SIAH1: variants seen among roughly 807,000 people sequenced by gnomAD.
SIAH1 encodes E3 ubiquitin-protein ligase SIAH1.
Under a neutral mutation model 20.0 loss-of-function variants are expected in SIAH1, and 2 were observed. That is an observed-to-expected ratio of 0.10 (90% CI 0.04 to 0.31). The LOEUF is 0.31. Ranked by LOEUF, SIAH1 falls within the 10% of genes least tolerant of loss-of-function variation. The pLI, the probability that SIAH1 is intolerant of heterozygous loss-of-function variation, is 1.00. For missense variants in SIAH1, 119 were observed against 355.3 expected (o/e 0.33, Z 5.35); for synonymous variants, 118 against 125.3 (o/e 0.94, Z 0.39).
At chr16:48,368,131 G>A (rs547388412) in intron 1 of SIAH1, among the ~76,000 whole-genome samples, 3 of 152,272 alleles carry the variant, frequency 2.0e-5, no homozygotes, top group South Asian at 2.1e-4. Context: ...ATGGAGAAAT[G>A]TAGTCAGATA....
At chr16:48,381,126 C>T (rs1961278987) in intron 1 of SIAH1, among the ~76,000 whole-genome samples, 1 of 151,906 alleles carries the variant, frequency 6.6e-6, no homozygotes. Context: ...AGGCAGATCA[C>T]CTGAGGTCAG....
rs1204076982 is a variant in SIAH1, at chr16:48,361,702, T to C, written c.727A>G (p.Ile243Val). ...ATGGCTGTTGCAATTCCTTCATGAA[T>C]AGATCGAGGAGTCGCTTCCCAAGTC... ...RLTWEATPRS[I>V]HEGIATAIMN... Residue 243 changes from isoleucine to valine, a missense_variant, in exon 2 of 2, where the codon ATT (isoleucine) becomes GTT (valine). Physicochemically the swap from Ile to Val is conservative, Grantham distance 29. Coordinates refer to ENST00000394725, the MANE Select transcript of SIAH1 (RefSeq NM_003031.4). 6.2e-7 allele frequency: 1 copy of C among 1,614,188 alleles called. No homozygotes were observed. The highest frequency in any genetic ancestry group is 1.7e-5 in the Admixed American group (1 of 60,028).
At chr16:48,363,723 T>A (rs1960707634) in intron 1 of SIAH1, 1 of 167,092 alleles carries the variant, frequency 6.0e-6, no homozygotes, top group African/African-American at 2.4e-5. Flanking sequence ...AAAACATTCA[T>A]CAGCAGAGTA....
intron 1 of SIAH1, among the ~76,000 whole-genome samples, chr16:48,370,205 C>T (rs968174894): frequency 2.6e-5 from 4 of 152,200 alleles, no homozygotes; most frequent in African/African-American, 7.2e-5. Flanking sequence ...AGAATGGCCA[C>T]TCCCTTCCCT....
chr16:48,361,391 CT>C lies in SIAH1; in HGVS notation c.*188del, dbSNP rs2151043393. The C allele has an allele frequency of 3.5e-6, 2 of 567,880 alleles. No individual in the cohort carries two copies. Among genetic ancestry groups the C allele is most frequent in the Non-Finnish European group, 3.1e-6 (1 of 322,878 alleles). 35.2% of individuals were successfully genotyped at this position (567,880 alleles called of 1,614,324 possible). On this transcript the variant is annotated 3_prime_UTR_variant, in exon 2 of 2. Coordinates refer to ENST00000394725, the MANE Select transcript of SIAH1 (RefSeq NM_003031.4). ...TATTTTTTCAGTGGTTTACTGTTGA[CT>C]TATTTTTAAATATATTAGTGTTACT...
At position 48,360,962 on chromosome 16, in the gene SIAH1, T is replaced by C. The variant is rs1296750995; in HGVS notation, c.*618A>G. ...CTGATTAATGGGGGAAAAGAAAATA[T>C]TGAACACGTTATAAATTTTTTACCA... On this transcript the variant is annotated 3_prime_UTR_variant, in exon 2 of 2. Coordinates refer to ENST00000394725, the MANE Select transcript of SIAH1 (RefSeq NM_003031.4). The C allele has an allele frequency of 6.6e-6, 1 of 152,168 alleles. No homozygotes were observed. The highest frequency in any genetic ancestry group is 2.4e-5 in the African/African-American group (1 of 41,442). The allele number at this position is 152,168 out of a possible 1,614,324, so 9.4% of individuals were successfully genotyped here.
At chr16:48,365,055 G>C (rs1261614561) in intron 1 of SIAH1, 1 of 234,980 alleles carries the variant, frequency 4.3e-6, no homozygotes, top group South Asian at 1.0e-4. Flanking sequence ...AATGTGAACG[G>C]TATTTCTTGG....
At position 48,360,970 on chromosome 16, in the gene SIAH1, G is replaced by A. The variant is rs138768421; in HGVS notation, c.*610C>T. ...TGGGGGAAAAGAAAATATTGAACACGTTATAAATTTTTTACCATAAACAAA... is the reference window on the plus strand; with the variant it reads ...TGGGGGAAAAGAAAATATTGAACACATTATAAATTTTTTACCATAAACAAA... On this transcript the variant is annotated 3_prime_UTR_variant, in exon 2 of 2. Coordinates refer to ENST00000394725, the MANE Select transcript of SIAH1 (RefSeq NM_003031.4). 36 of 151,926 alleles carry A rather than the reference G, an allele frequency of 2.4e-4. No individual in the cohort carries two copies. The highest frequency in any genetic ancestry group is 7.9e-4 in the Admixed American group (12 of 15,270). 9.4% of individuals were successfully genotyped at this position (151,926 alleles called of 1,614,324 possible).
chr16:48,372,292 A>C (rs756687904), intron 1 of SIAH1, among the ~76,000 whole-genome samples: 5 of 152,210 alleles, frequency 3.3e-5, no homozygotes, highest in African/African-American at 1.2e-4. Flanking sequence ...AATAGTTACA[A>C]TCTATGTTGA....
intron 1 of SIAH1, among the ~76,000 whole-genome samples, chr16:48,369,406 T>A (rs779133351): frequency 5.9e-5 from 9 of 152,220 alleles, no homozygotes; most frequent in Non-Finnish European, 1.2e-4. Context: ...ATACAACACT[T>A]GCTAAGTCAC....
intron 1 of SIAH1, among the ~76,000 whole-genome samples, chr16:48,368,144 G>GA (rs1183330664): frequency 3.9e-5 from 6 of 152,018 alleles, no homozygotes; most frequent in African/African-American, 7.2e-5. Flanking sequence ...GTCAGATATG[G>GA]AAAAAAATCA....
intron 1 of SIAH1, among the ~76,000 whole-genome samples, chr16:48,378,195 C>T (rs773818194): frequency 2.0e-5 from 3 of 151,896 alleles, no homozygotes; most frequent in African/African-American, 4.8e-5. Context: ...CTACTAAAAA[C>T]ACAAAAAATT....
At position 48,362,473 on chromosome 16, in the gene SIAH1, C is replaced by A. The variant is rs1355877763; in HGVS notation, c.-2-43G>T. On this transcript the variant is annotated intron_variant, in intron 1 of 1. Coordinates refer to ENST00000394725, the MANE Select transcript of SIAH1 (RefSeq NM_003031.4). This position sits in a 1 kb window ranked among gnomAD's most constrained non-coding sequence, Gnocchi z 4.2. The stretch of plus-strand genomic sequence containing the variant: ...GGAGGCAGGAGAAAAATAATTATAA[C>A]CATGACTTACTTTATAAATAATGTT... 4 of 1,591,258 alleles carry A rather than the reference C, an allele frequency of 2.5e-6. No homozygotes were observed. The highest frequency in any genetic ancestry group is 3.4e-6 in the Non-Finnish European group (4 of 1,163,020).
intron 1 of SIAH1, among the ~76,000 whole-genome samples, chr16:48,366,745 T>C (rs537847965): frequency 4.3e-4 from 65 of 152,302 alleles, no homozygotes; most frequent in African/African-American, 1.4e-3. Context: ...ATGCAAGGAA[T>C]TGCAGATTAC....
At chr16:48,375,445 G>C (rs543947385) in intron 1 of SIAH1, among the ~76,000 whole-genome samples, 30 of 152,260 alleles carry the variant, frequency 2.0e-4, no homozygotes, top group Admixed American at 3.3e-4. Context: ...TTGGAGACCA[G>C]CCTGGCCAAC....
intron 1 of SIAH1, among the ~76,000 whole-genome samples, chr16:48,378,085 C>A: frequency 6.6e-6 from 1 of 152,274 alleles, no homozygotes; most frequent in Non-Finnish European, 1.5e-5. Context: ...GGCGCAGTGG[C>A]TCACGCCTGT....
At position 48,368,562 on chromosome 16, in the gene SIAH1, G is replaced by T. The variant is rs139114872; in HGVS notation, c.-2-6132C>A. On this transcript the variant is annotated intron_variant, in intron 1 of 1. Coordinates refer to ENST00000394725, the MANE Select transcript of SIAH1 (RefSeq NM_003031.4). ...TAAATACAAAAATTAGCCGGGCATGGTGGCGTGTGCCTGTAATCCCAGCTA... is the reference window on the plus strand; with the variant it reads ...TAAATACAAAAATTAGCCGGGCATGTTGGCGTGTGCCTGTAATCCCAGCTA... Among the ~76,000 whole-genome samples the T allele has an allele frequency of 7.2e-5, 11 of 152,292 alleles. No homozygotes were observed. The East Asian group carries it at 9.6e-4, about 13-fold the overall frequency.
chr16:48,360,981 T>G lies in SIAH1; in HGVS notation c.*599A>C, dbSNP rs970878386. ...AAAATATTGAACACGTTATAAATTT[T>G]TTACCATAAACAAATATGCATATCA... On this transcript the variant is annotated 3_prime_UTR_variant, in exon 2 of 2. Transcript: ENST00000394725. The G allele has an allele frequency of 1.3e-5, 2 of 152,180 alleles. No individual in the cohort carries two copies. The highest frequency in any genetic ancestry group is 4.8e-5 in the African/African-American group (2 of 41,442). The allele number at this position is 152,180 out of a possible 1,614,324, so 9.4% of individuals were successfully genotyped here.
chr16:48,368,140 T>G (rs1441760248), intron 1 of SIAH1, among the ~76,000 whole-genome samples: 1 of 152,178 alleles, frequency 6.6e-6, no homozygotes, highest in African/African-American at 2.4e-5. Context: ...TGTAGTCAGA[T>G]ATGGAAAAAA....
Sources: gnomAD v4.1 joint callset for allele counts (sites outside exome capture counted in the v4.1 genomes callset) on GRCh38, gnomAD v4.1.1 for gene constraint, Gnocchi (gnomAD v3.1) non-coding constraint, MANE v1.5 for transcripts, NCBI Gene and HGNC (gene_info 2026-07-23, HGNC 2026-07-21) for gene names.